ARHGAP15: variants seen among roughly 807,000 people sequenced by gnomAD.
The protein encoded by ARHGAP15 is rho GTPase-activating protein 15.
ARHGAP15 carries 51 observed loss-of-function variants against 63.7 expected under a neutral mutation model. The ratio of observed to expected loss-of-function variants is 0.80; its 90% CI spans 0.64 to 1.01. ARHGAP15 has a LOEUF of 1.01. Ranked by LOEUF, ARHGAP15 falls within the 50% of genes least tolerant of loss-of-function variation. The pLI is 0.00. For synonymous variants in ARHGAP15, 191 were observed against 193.8 expected (o/e 0.99, Z 0.12); for missense variants, 560 against 564.6 (o/e 0.99, Z 0.08).
At chr2:143,644,347 G>T (rs928835814) in intron 12 of ARHGAP15, among the ~76,000 whole-genome samples, 18 of 152,004 alleles carry the variant, frequency 1.2e-4, no homozygotes, top group African/African-American at 4.3e-4. Flanking sequence ...TCACATCAGG[G>T]TCTTCAGGGG....
intron 6 of ARHGAP15, among the ~76,000 whole-genome samples, chr2:143,378,989 T>A (rs1325992201): frequency 6.6e-6 from 1 of 151,896 alleles, no homozygotes; most frequent in Non-Finnish European, 1.5e-5. Context: ...TTTTATTTTT[T>A]ATTTATTTAT....
intron 13 of ARHGAP15, among the ~76,000 whole-genome samples, chr2:143,738,452 T>G (rs1685838790): frequency 6.6e-6 from 1 of 152,160 alleles, no homozygotes; most frequent in Non-Finnish European, 1.5e-5. Flanking sequence ...GATACCAATA[T>G]TGTATAGGTT....
intron 2 of ARHGAP15, among the ~76,000 whole-genome samples, chr2:143,183,319 C>G (rs1244961702): frequency 6.6e-6 from 1 of 152,140 alleles, no homozygotes; most frequent in Non-Finnish European, 1.5e-5. Context: ...ATAACAAATA[C>G]ACTGATTTTT....
intron 6 of ARHGAP15, among the ~76,000 whole-genome samples, chr2:143,422,077 A>G (rs1688946973): frequency 1.3e-5 from 2 of 152,154 alleles, no homozygotes; most frequent in African/African-American, 4.8e-5. Context: ...GTAAATTAAC[A>G]AGCTGCATAT....
intron 6 of ARHGAP15, among the ~76,000 whole-genome samples, chr2:143,413,520 A>G (rs1340779901): frequency 1.3e-5 from 2 of 152,222 alleles, no homozygotes; most frequent in Non-Finnish European, 2.9e-5. Flanking sequence ...ACAGTCAATC[A>G]ATAACAGCTG....
intron 12 of ARHGAP15, among the ~76,000 whole-genome samples, chr2:143,646,197 G>A (rs1411488962): frequency 6.6e-6 from 1 of 152,016 alleles, no homozygotes; most frequent in African/African-American, 2.4e-5. Flanking sequence ...AGAGCAGAAG[G>A]GTAAGAATGT....
Position 143,765,688 on chromosome 2 carries a change from C to T in ARHGAP15, c.1245-2301C>T, listed in dbSNP as rs189548662. On this transcript the variant is annotated intron_variant, in intron 13 of 13. Transcript: ENST00000295095. Reference sequence around the variant, plus strand: ...AAATTCAGACCTTCTTACGATGGATCGTATAGTCAGGTGGAAGGTGGCAGA... The same window carrying T: ...AAATTCAGACCTTCTTACGATGGATTGTATAGTCAGGTGGAAGGTGGCAGA... 4.6e-5 allele frequency among the ~76,000 whole-genome samples: 7 copies of T among 152,168 alleles called. No individual in the cohort carries two copies. In the East Asian group the frequency reaches 1.4e-3, roughly 30 times the overall value.
intron 6 of ARHGAP15, among the ~76,000 whole-genome samples, chr2:143,309,866 T>TTGTG (rs10562854): frequency 0.034 from 5,127 of 149,084 alleles, 112 homozygotes; most frequent in East Asian, 0.089. Context: ...ATATATGAAC[T>TTGTG]TGTGTGTGTG....
chr2:143,385,871 T>A (rs573277856), intron 6 of ARHGAP15, among the ~76,000 whole-genome samples: 1 of 152,162 alleles, frequency 6.6e-6, no homozygotes, highest in Non-Finnish European at 1.5e-5. Flanking sequence ...AATATTAAGA[T>A]AACCAGAAGA....
intron 11 of ARHGAP15, among the ~76,000 whole-genome samples, chr2:143,598,433 G>A (rs1010897462): frequency 1.4e-4 from 21 of 152,238 alleles, no homozygotes; most frequent in South Asian, 8.3e-4. Flanking sequence ...AAAATTCCGA[G>A]GCCATCATGC....
intron 6 of ARHGAP15, among the ~76,000 whole-genome samples, chr2:143,363,450 G>A (rs945286953): frequency 6.6e-6 from 1 of 152,068 alleles, no homozygotes; most frequent in African/African-American, 2.4e-5. Flanking sequence ...AGCCGAGATT[G>A]AGCCACTGCA....
chr2:143,434,903 A>G (rs16822543), intron 6 of ARHGAP15, among the ~76,000 whole-genome samples: 16,575 of 152,160 alleles, frequency 0.11, 1,237 homozygotes, highest in African/African-American at 0.21. Flanking sequence ...AAAAATGGAC[A>G]GTTACACGCT....
At chr2:143,213,341 C>G (rs548329909) in intron 3 of ARHGAP15, among the ~76,000 whole-genome samples, 15 of 152,190 alleles carry the variant, frequency 9.9e-5, no homozygotes, top group African/African-American at 3.6e-4. Context: ...TGGAGAAACA[C>G]TGTCTCTATT....
chr2:143,552,792 G>A (rs1695628888), intron 10 of ARHGAP15, among the ~76,000 whole-genome samples: 1 of 152,072 alleles, frequency 6.6e-6, no homozygotes, highest in African/African-American at 2.4e-5. Flanking sequence ...TGTTCCCAAA[G>A]TATTTTTAGC....
chr2:143,747,667 C>T (rs982998539), intron 13 of ARHGAP15, among the ~76,000 whole-genome samples: 1 of 152,068 alleles, frequency 6.6e-6, no homozygotes, highest in Non-Finnish European at 1.5e-5. Flanking sequence ...TTTCACCTGG[C>T]GATATGCATT....
chr2:143,691,074 T>A (rs1410849613), intron 12 of ARHGAP15, among the ~76,000 whole-genome samples: 1 of 152,118 alleles, frequency 6.6e-6, no homozygotes, highest in East Asian at 1.9e-4. Flanking sequence ...CAGTCCCTCA[T>A]CTTTTAAAAG....
intron 3 of ARHGAP15, among the ~76,000 whole-genome samples, chr2:143,210,861 G>A (rs1388122768): frequency 6.6e-6 from 1 of 151,378 alleles, no homozygotes. Flanking sequence ...TGCAATCATT[G>A]CATCCAACTT....
chr2:143,359,805 C>G (rs1420756140), intron 6 of ARHGAP15, among the ~76,000 whole-genome samples: 1 of 151,998 alleles, frequency 6.6e-6, no homozygotes, highest in African/African-American at 2.4e-5. Flanking sequence ...AAAACGGAAC[C>G]CTTGACTACA....
intron 12 of ARHGAP15, among the ~76,000 whole-genome samples, chr2:143,692,044 G>T (rs914972949): frequency 1.3e-5 from 2 of 152,160 alleles, no homozygotes; most frequent in African/African-American, 4.8e-5. Context: ...AGTAGAGCAG[G>T]GTGTGTGTGT....
Sources: allele counts gnomAD v4.1 joint callset (sites outside exome capture counted in the v4.1 genomes callset), GRCh38; gene constraint gnomAD v4.1.1; transcripts MANE v1.5; gene names NCBI Gene and HGNC (gene_info 2026-07-23, HGNC 2026-07-21).